LINGO2: variants seen among roughly 807,000 people sequenced by gnomAD.
LINGO2 encodes leucine rich repeat and Ig domain containing 2, also known as leucine-rich repeat and immunoglobulin-like domain-containing nogo receptor-interacting protein 2.
LINGO2 carries 14 observed loss-of-function variants against 30.6 expected under a neutral mutation model. The observed-to-expected ratio is 0.46, with a 90% confidence interval of 0.30 to 0.72. The LOEUF (loss-of-function observed/expected upper bound fraction) is 0.72, where lower values mean the gene tolerates loss of function less well. Among genes scored for constraint, LINGO2 ranks in the 30% least tolerant of loss-of-function variants. The pLI is 0.07. For missense variants in LINGO2, 729 were observed against 751.7 expected (o/e 0.97, Z 0.35); for synonymous variants, 317 against 288.5 (o/e 1.10, Z -1.00).
intron 5 of LINGO2, among the ~76,000 whole-genome samples, chr9:28,011,344 A>G (rs1033000120): frequency 1.3e-5 from 2 of 152,206 alleles, no homozygotes; most frequent in African/African-American, 4.8e-5. Context: ...TATTTGGAGA[A>G]AAGGAATCAA....
chr9:28,784,878 G>T, the LINGO2 span, among the ~76,000 whole-genome samples: 1 of 151,812 alleles, frequency 6.6e-6, no homozygotes, highest in South Asian at 2.1e-4. Flanking sequence ...AACTTGGGAG[G>T]TGGAGGTTGT....
intron 1 of LINGO2, among the ~76,000 whole-genome samples, chr9:28,658,463 T>G (rs1828454658): frequency 6.6e-6 from 1 of 152,084 alleles, no homozygotes; most frequent in Admixed American, 6.6e-5. Context: ...ATCTTCTTGG[T>G]GATCTGACTC....
At chr9:28,326,898 A>G (rs80018847) in intron 3 of LINGO2, among the ~76,000 whole-genome samples, 16,721 of 152,182 alleles carry the variant, frequency 0.11, 1,176 homozygotes, top group Middle Eastern at 0.2. Flanking sequence ...GAAAAGCACT[A>G]GGGGAATGGC....
At position 28,530,596 on chromosome 9, in the gene LINGO2, T is replaced by C. The variant is rs183959790; in HGVS notation, c.-364-54571A>G. On this transcript the variant is annotated intron_variant, in intron 1 of 5. Transcript: ENST00000379992. ...ACTGTGTGAAAAAGAATGAAACCTA[T>C]AGGGATTTCAGCCTTTATGGAGAAA... is the stretch of plus-strand genomic sequence containing the variant. Among the ~76,000 whole-genome samples the C allele has an allele frequency of 1.4e-3, 210 of 152,238 alleles. 2 individuals carry two copies. Among genetic ancestry groups the C allele is most frequent in the Admixed American group, 2.2e-3 (34 of 15,268 alleles).
At chr9:28,388,371 A>G (rs977515546) in intron 2 of LINGO2, among the ~76,000 whole-genome samples, 5 of 152,156 alleles carry the variant, frequency 3.3e-5, no homozygotes, top group Admixed American at 1.3e-4. Context: ...TGCTGCTGTT[A>G]ACGTTCACCC....
intron 1 of LINGO2, among the ~76,000 whole-genome samples, chr9:28,487,702 C>G (rs536909773): frequency 6.6e-6 from 1 of 152,276 alleles, no homozygotes; most frequent in South Asian, 2.1e-4. Flanking sequence ...TGCACTGTGA[C>G]ACCTTAGGCC....
intron 1 of LINGO2, among the ~76,000 whole-genome samples, chr9:28,582,349 G>A (rs914578743): frequency 5.9e-5 from 9 of 151,964 alleles, no homozygotes; most frequent in African/African-American, 1.7e-4. Context: ...TAATCAGTTC[G>A]CAAGCTGTAA....
chr9:28,583,997 AG>A (rs1170708709), intron 1 of LINGO2, among the ~76,000 whole-genome samples: 1 of 152,042 alleles, frequency 6.6e-6, no homozygotes, highest in African/African-American at 2.4e-5. Context: ...AATTCTTTCT[AG>A]TACACCCATG....
chr9:28,466,521 T>C (rs1349351461), intron 2 of LINGO2, among the ~76,000 whole-genome samples: 1 of 152,154 alleles, frequency 6.6e-6, no homozygotes, highest in Non-Finnish European at 1.5e-5. Flanking sequence ...TAATAAGATA[T>C]AGTATTTGAT....
chr9:28,624,375 A>G (rs1472540353), intron 1 of LINGO2, among the ~76,000 whole-genome samples: 1 of 151,956 alleles, frequency 6.6e-6, no homozygotes, highest in Non-Finnish European at 1.5e-5. Flanking sequence ...GGCGGATTTT[A>G]TCAAGAAGAA....
At chr9:28,325,816 T>C (rs780262008) in intron 3 of LINGO2, among the ~76,000 whole-genome samples, 1 of 152,096 alleles carries the variant, frequency 6.6e-6, no homozygotes, top group Non-Finnish European at 1.5e-5. Context: ...ATCACATTGA[T>C]TAAACTCTGG....
intron 5 of LINGO2, among the ~76,000 whole-genome samples, chr9:27,992,667 T>G (rs1328967235): frequency 6.6e-6 from 1 of 152,064 alleles, no homozygotes; most frequent in Non-Finnish European, 1.5e-5. Context: ...TATACATGCA[T>G]ATAGACAAAC....
Position 28,264,344 on chromosome 9 carries a change from G to T in LINGO2, c.-87+30864C>A, listed in dbSNP as rs1031869850. On this transcript the variant is annotated intron_variant, in intron 4 of 5. Transcript: ENST00000379992. ...ATTGATCTGTCTATTCTAATTAGGG[G>T]TACTAATTTAATACAAAGGTATCTG... 5.9e-5 allele frequency among the ~76,000 whole-genome samples: 9 copies of T among 151,886 alleles called. No individual in the cohort carries two copies. The East Asian group carries it at 1.6e-3, about 26-fold the overall frequency.
chr9:28,209,994 C>T (rs1485950944), intron 4 of LINGO2, among the ~76,000 whole-genome samples: 1 of 151,750 alleles, frequency 6.6e-6, no homozygotes, highest in Non-Finnish European at 1.5e-5. Flanking sequence ...AAAGAATCTC[C>T]AATTAACATG....
intron 4 of LINGO2, among the ~76,000 whole-genome samples, chr9:28,131,167 TAA>T (rs761927818): frequency 2.2e-5 from 3 of 139,236 alleles, no homozygotes. Context: ...CATTTCATCT[TAA>T]AAAAAAAAAA....
chr9:28,856,447 TTA>T, the LINGO2 span, among the ~76,000 whole-genome samples: 43 of 152,006 alleles, frequency 2.8e-4, no homozygotes, highest in South Asian at 6.2e-4. Context: ...TCTATGTGTT[TTA>T]TGAGATGAAA....
chr9:28,587,090 G>A (rs933811270), intron 1 of LINGO2, among the ~76,000 whole-genome samples: 3 of 151,972 alleles, frequency 2.0e-5, no homozygotes, highest in African/African-American at 7.2e-5. Flanking sequence ...GAGAAAAGGA[G>A]CTTCATATTT....
the LINGO2 span, among the ~76,000 whole-genome samples, chr9:28,923,589 A>T: frequency 6.6e-6 from 1 of 152,020 alleles, no homozygotes; most frequent in Admixed American, 6.6e-5. Flanking sequence ...TCCTGGAAGG[A>T]AAAAAGAAAT....
chr9:28,727,416 G>T, the LINGO2 span, among the ~76,000 whole-genome samples: 2 of 152,006 alleles, frequency 1.3e-5, no homozygotes, highest in Non-Finnish European at 2.9e-5. Context: ...CTCCCGAGTA[G>T]CTGGGACTAT....
Sources: allele counts gnomAD v4.1 joint callset (sites outside exome capture counted in the v4.1 genomes callset), GRCh38; gene constraint gnomAD v4.1.1; transcripts MANE v1.5; gene names NCBI Gene and HGNC (gene_info 2026-07-23, HGNC 2026-07-21).